SDK1: variants seen among roughly 807,000 people sequenced by gnomAD.
SDK1 encodes sidekick cell adhesion molecule 1, also known as protein sidekick-1.
Under a neutral mutation model 245.5 loss-of-function variants are expected in SDK1, and 157 were observed. The observed-to-expected ratio is 0.64, with a 90% CI of 0.56 to 0.73. SDK1 has a LOEUF of 0.73. Ranked by LOEUF, SDK1 falls within the 30% of genes least tolerant of loss-of-function variation. SDK1 has a pLI of 0.00. For missense variants in SDK1, 3,583 were observed against 3,002.3 expected, an observed-to-expected ratio of 1.19 and a Z score of -4.52; for synonymous variants, 1,647 against 1,278.5, an observed-to-expected ratio of 1.29 and a Z score of -6.15.
intron 4 of SDK1, among the ~76,000 whole-genome samples, chr7:3,771,659 T>C (rs1288308627): frequency 2.6e-5 from 4 of 152,214 alleles, no homozygotes; most frequent in African/African-American, 7.2e-5. Flanking sequence ...GTTATTTTTT[T>C]CCAGATTATT....
intron 1 of SDK1, among the ~76,000 whole-genome samples, chr7:3,341,791 A>G (rs1479794346): frequency 6.6e-6 from 1 of 152,208 alleles, no homozygotes; most frequent in African/African-American, 2.4e-5. Flanking sequence ...GAGGACCCAA[A>G]TGTTGCCACA....
At position 4,145,858 on chromosome 7, in the gene SDK1, G is replaced by A; in HGVS notation, c.4365G>A (p.Lys1455=). The change falls in exon 29 of 45, where the codon AAG becomes AAA. Residue 1455 remains lysine, a synonymous_variant. Coordinates refer to ENST00000404826, the MANE Select transcript of SDK1 (RefSeq NM_152744.4). The part of the protein sequence containing the change: ...ESAYIFRLSA[K]TRQGWGEPLE... The stretch of plus-strand genomic sequence containing the variant: ...CATACATCTTCAGGCTGTCCGCCAA[G>A]ACGAGGCAGGGCTGGGGGGAGCCAC... The A allele has an allele frequency of 6.2e-7, 1 of 1,613,740 alleles. No individual in the cohort carries two copies. The highest frequency in any genetic ancestry group is 8.5e-7 in the Non-Finnish European group (1 of 1,179,942).
At position 4,077,188 on chromosome 7, in the gene SDK1, A is replaced by T. The variant is rs769851000; in HGVS notation, c.3201A>T (p.Pro1067=). The change falls in exon 21 of 45, where the codon CCA becomes CCT. Residue 1067 remains proline (P), a splice_region_variant and synonymous_variant. Transcript: ENST00000404826. ...CCACCATTTCTTCTGGAGTGCCCCC[A>T]GGTCAGTAGAATCGTGTGCGGTCCT... is the stretch of plus-strand genomic sequence containing the variant. ...TSSTISSGVP[P]DLPGAPSNLV... 6.2e-7 allele frequency: 1 copy of T among 1,613,984 alleles called. No homozygotes were observed. Among genetic ancestry groups the T allele is most frequent in the South Asian group, 1.1e-5 (1 of 91,018 alleles).
chr7:3,941,278 G>A (rs1780358632), intron 5 of SDK1, among the ~76,000 whole-genome samples: 1 of 152,044 alleles, frequency 6.6e-6, no homozygotes, highest in South Asian at 2.1e-4. Flanking sequence ...CAAACCGTGT[G>A]GTAGGCTTTG....
chr7:3,798,968 A>G lies in SDK1; in HGVS notation c.714-22482A>G, dbSNP rs560166919. On this transcript the variant is annotated intron_variant, in intron 4 of 44. Coordinates refer to ENST00000404826, the MANE Select transcript of SDK1 (RefSeq NM_152744.4). ...CTGTTTCTGTGGATTTCTAATGGTC[A>G]TTTTTCTCTTCCCCTCATTCTTCTA... 1.4e-4 allele frequency among the ~76,000 whole-genome samples: 21 copies of G among 152,248 alleles called. No homozygotes were observed. In the South Asian group the frequency reaches 4.2e-3, roughly 30 times the overall value.
intron 4 of SDK1, among the ~76,000 whole-genome samples, chr7:3,658,125 G>A (rs1037375569): frequency 1.3e-5 from 2 of 152,088 alleles, no homozygotes; most frequent in East Asian, 1.9e-4. Context: ...TGGCTTGCCC[G>A]CCTCACAGGA....
chr7:3,345,339 CAA>C (rs1243884855), intron 1 of SDK1, among the ~76,000 whole-genome samples: 2 of 151,900 alleles, frequency 1.3e-5, no homozygotes, highest in African/African-American at 4.8e-5. Context: ...TGTTAGGAAA[CAA>C]AAAGAGACTG....
intron 4 of SDK1, chr7:3,642,868 A>AATCT (rs1782695121): frequency 6.6e-6 from 1 of 152,262 alleles, no homozygotes; most frequent in Non-Finnish European, 1.5e-5. Flanking sequence ...AAATGCTATA[A>AATCT]GCTTAGGCCA....
intron 5 of SDK1, among the ~76,000 whole-genome samples, chr7:3,920,878 G>A (rs442624): frequency 1.1e-3 from 164 of 152,198 alleles, no homozygotes; most frequent in Non-Finnish European, 1.9e-3. Context: ...TGAAGAAGGC[G>A]TTTGGTAACA....
At chr7:3,603,698 G>A (rs4257931) in intron 1 of SDK1, among the ~76,000 whole-genome samples, 79,251 of 151,892 alleles carry the variant, frequency 0.52, 20,951 homozygotes, top group South Asian at 0.75. Flanking sequence ...TGATTGCCCT[G>A]GCCAGAACTT....
intron 38 of SDK1, among the ~76,000 whole-genome samples, chr7:4,219,900 T>G (rs1785044521): frequency 6.6e-6 from 1 of 151,918 alleles, no homozygotes; most frequent in African/African-American, 2.4e-5. Context: ...TTGTTTTCTT[T>G]GTCAGCACCC....
At chr7:4,206,597 C>T (rs868777451) in intron 36 of SDK1, among the ~76,000 whole-genome samples, 1 of 152,162 alleles carries the variant, frequency 6.6e-6, no homozygotes, top group African/African-American at 2.4e-5. Flanking sequence ...GGCAGCAGGC[C>T]ATGACAGGAG....
chr7:3,864,304 T>C (rs1440784843), intron 5 of SDK1, among the ~76,000 whole-genome samples: 1 of 152,184 alleles, frequency 6.6e-6, no homozygotes, highest in East Asian at 1.9e-4. Context: ...TCTCTTTGTT[T>C]TTATAGTCAA....
At chr7:4,007,060 A>G (rs1367884588) in intron 14 of SDK1, among the ~76,000 whole-genome samples, 1 of 152,198 alleles carries the variant, frequency 6.6e-6, no homozygotes, top group African/African-American at 2.4e-5. Flanking sequence ...GGAGCAGGTG[A>G]ATGGCTGACT....
chr7:3,867,546 A>C (rs931337375), intron 5 of SDK1, among the ~76,000 whole-genome samples: 32 of 152,212 alleles, frequency 2.1e-4, no homozygotes, highest in Non-Finnish European at 3.5e-4. Context: ...GGGTGGCTGC[A>C]GGCAAAGAGA....
chr7:3,605,498 T>A (rs1254933803), intron 1 of SDK1, among the ~76,000 whole-genome samples: 3 of 152,202 alleles, frequency 2.0e-5, no homozygotes, highest in Non-Finnish European at 4.4e-5. Flanking sequence ...TTCCTTCTTA[T>A]TGGGAAGGAA....
In SDK1 at chr7:3,962,057, A is replaced by G. The variant is rs994643486; in HGVS notation, c.1235-600A>G. 2.6e-5 allele frequency among the ~76,000 whole-genome samples: 4 copies of G among 152,194 alleles called. No homozygotes were observed. In the South Asian group the frequency reaches 6.2e-4, roughly 24 times the overall value. Reference sequence around the variant, plus strand: ...CATATATACACACATGTACACGTGCACACACTCGCATGAACACATGCACAT... The same window carrying G: ...CATATATACACACATGTACACGTGCGCACACTCGCATGAACACATGCACAT... On this transcript the variant is annotated intron_variant, in intron 8 of 44. Transcript: ENST00000404826.
Position 4,114,061 on chromosome 7 carries a change from G to A in SDK1, c.3610G>A (p.Gly1204Arg), listed in dbSNP as rs1254436709. Reference sequence around the variant, plus strand: ...GCCCCTGCCGGATTCTCAGTACAACGGGAACCCCGAGTCCGTGGGCTACAG... The same window carrying A: ...GCCCCTGCCGGATTCTCAGTACAACAGGAACCCCGAGTCCGTGGGCTACAG... ...WVPLPDSQYN[G>R]NPESVGYRIK... The change falls in exon 25 of 45, where the codon GGG becomes AGG. Residue 1204 changes from glycine to arginine, a missense_variant. By Grantham distance (125) the Gly-to-Arg change is moderately radical. Transcript: ENST00000404826. 1.2e-6 allele frequency: 2 copies of A among 1,614,142 alleles called. No homozygotes were observed. The highest frequency in any genetic ancestry group is 1.7e-6 in the Non-Finnish European group (2 of 1,180,016).
intron 1 of SDK1, among the ~76,000 whole-genome samples, chr7:3,580,299 A>G (rs1029839334): frequency 2.6e-5 from 4 of 152,214 alleles, no homozygotes; most frequent in African/African-American, 9.6e-5. Flanking sequence ...CTATTTTAAA[A>G]TTCACATGGA....
Sources: allele counts gnomAD v4.1 joint callset (sites outside exome capture counted in the v4.1 genomes callset), GRCh38; gene constraint gnomAD v4.1.1; transcripts MANE v1.5; gene names NCBI Gene and HGNC (gene_info 2026-07-23, HGNC 2026-07-21).